The following TASOR variants were observed in gnomAD, a reference collection of about 807,000 sequenced individuals.
TASOR encodes protein TASOR.
Under a neutral mutation model 178.6 loss-of-function variants are expected in TASOR, and 53 were observed. That is an observed-to-expected ratio of 0.30 (90% CI 0.24 to 0.37). TASOR has a LOEUF of 0.37. Among genes scored for constraint, TASOR ranks in the 10% least tolerant of loss-of-function variants. The pLI is 1.00. For missense variants in TASOR, 1,815 were observed against 1,971.4 expected (o/e 0.92, Z 1.50); for synonymous variants, 713 against 696.2 (o/e 1.02, Z -0.38).
intron 2 of TASOR, among the ~76,000 whole-genome samples, chr3:56,672,046 T>C (rs953041840): frequency 6.6e-6 from 1 of 152,212 alleles, no homozygotes; most frequent in African/African-American, 2.4e-5. Flanking sequence ...ATCTGCTGAA[T>C]GACCAACTTC....
Position 56,628,620 on chromosome 3 carries a change from A to G in TASOR, c.3748-6T>C, listed in dbSNP as rs765899310. ...CCTAATTTGATAAGATATTCCTGTT[A>G]AAGAAAAACAACTAAATCAATATTA... On this transcript the variant is annotated splice_polypyrimidine_tract_variant and splice_region_variant and intron_variant, in intron 18 of 23. Coordinates refer to ENST00000683822, the MANE Select transcript of TASOR (RefSeq NM_001365635.2). 5 of 1,517,852 alleles carry G rather than the reference A, an allele frequency of 3.3e-6. No individual in the cohort carries two copies. Among genetic ancestry groups the G allele is most frequent in the South Asian group, 1.2e-5 (1 of 81,902 alleles). The allele number at this position is 1,517,852 out of a possible 1,614,324, so 94.0% of individuals were successfully genotyped here. A position where few individuals can be genotyped will look rare whatever the true frequency, so the allele number is the denominator to read the frequency against.
chr3:56,630,593 C>T (rs2076888555), intron 18 of TASOR, among the ~76,000 whole-genome samples: 1 of 152,172 alleles, frequency 6.6e-6, no homozygotes, highest in African/African-American at 2.4e-5. Flanking sequence ...CCTGTAATCC[C>T]AGTACTTTGG....
At chr3:56,661,883 G>C (rs1298642413) in intron 9 of TASOR, among the ~76,000 whole-genome samples, 1 of 152,088 alleles carries the variant, frequency 6.6e-6, no homozygotes, top group Non-Finnish European at 1.5e-5. Flanking sequence ...CCAACACTTC[G>C]TGAGGCCAAG....
rs747054045 is a variant in TASOR at position 56,621,563 on chromosome 3, G to C, written c.*1474C>G. The C allele has an allele frequency of 1.2e-6, 2 of 1,602,486 alleles. No individual in the cohort carries two copies. Among genetic ancestry groups the C allele is most frequent in the South Asian group, 1.1e-5 (1 of 88,646 alleles). Reference sequence around the variant, plus strand: ...CTCCAGAAGCAAAAGGAGTTGGAAAGTAGTCTCCTGCCTTTAGCTGAAAAT... The same window carrying C: ...CTCCAGAAGCAAAAGGAGTTGGAAACTAGTCTCCTGCCTTTAGCTGAAAAT... On this transcript the variant is annotated 3_prime_UTR_variant, in exon 24 of 24. Coordinates refer to ENST00000683822, the MANE Select transcript of TASOR (RefSeq NM_001365635.2).
At chr3:56,648,932 A>C (rs750951597) in intron 12 of TASOR, 39 bp from the exon 13 acceptor site, 3 of 1,598,634 alleles carry the variant, frequency 1.9e-6, no homozygotes, top group Non-Finnish European at 2.6e-6. Context: ...AATGTGTTTT[A>C]ACTAAAAAGT....
At chr3:56,640,371 A>G (rs778739413) in intron 15 of TASOR, among the ~76,000 whole-genome samples, 1 of 152,200 alleles carries the variant, frequency 6.6e-6, no homozygotes, top group Non-Finnish European at 1.5e-5. Context: ...AACATTAAAT[A>G]TTTTAGGCTC....
intron 14 of TASOR, among the ~76,000 whole-genome samples, chr3:56,645,497 C>T (rs1336318736): frequency 1.3e-5 from 2 of 152,160 alleles, no homozygotes; most frequent in Non-Finnish European, 1.5e-5. Context: ...AACAGTAACA[C>T]AAAACGTGGA....
intron 11 of TASOR, 107 bp downstream of exon 11, chr3:56,660,624 T>G (rs1367928797): frequency 1.3e-6 from 1 of 740,862 alleles, no homozygotes; most frequent in Non-Finnish European, 2.2e-6. Context: ...GACAGACACC[T>G]CATGGTACTT....
chr3:56,625,219 A>G (rs894118574), intron 21 of TASOR, among the ~76,000 whole-genome samples: 1 of 152,372 alleles, frequency 6.6e-6, no homozygotes, highest in East Asian at 1.9e-4. Context: ...CCTCAGGGCC[A>G]GCTATACAGC....
intron 11 of TASOR, among the ~76,000 whole-genome samples, chr3:56,651,156 T>A (rs1268238522): frequency 6.6e-6 from 1 of 152,132 alleles, no homozygotes; most frequent in African/African-American, 2.4e-5. Context: ...GACAGAGGCT[T>A]CAGCAGTTAT....
intron 11 of TASOR, among the ~76,000 whole-genome samples, chr3:56,657,312 G>A (rs898862873): frequency 2.1e-5 from 3 of 142,922 alleles, no homozygotes; most frequent in African/African-American, 7.8e-5. Context: ...CAGCAACAGA[G>A]CAAGGCTCTG....
chr3:56,626,561 G>A (rs545347754), intron 21 of TASOR, among the ~76,000 whole-genome samples: 4 of 152,106 alleles, frequency 2.6e-5, no homozygotes, highest in East Asian at 3.9e-4. Flanking sequence ...GGGCCAACAC[G>A]GTGAAACCCC....
intron 23 of TASOR, 38 bp from the exon 24 acceptor site, chr3:56,623,604 TAC>T (rs777057409): frequency 6.5e-7 from 1 of 1,544,672 alleles, no homozygotes; most frequent in Non-Finnish European, 8.7e-7. Context: ...TCTATTGAAA[TAC>T]ACAGTTTGTT....
At chr3:56,640,578 A>G (rs972618921) in intron 15 of TASOR, among the ~76,000 whole-genome samples, 1 of 152,194 alleles carries the variant, frequency 6.6e-6, no homozygotes, top group Non-Finnish European at 1.5e-5. Flanking sequence ...CCTACCTTAC[A>G]TACCCCAATA....
At chr3:56,675,365 T>G (rs948071332) in intron 1 of TASOR, among the ~76,000 whole-genome samples, 2 of 151,024 alleles carry the variant, frequency 1.3e-5, no homozygotes, top group South Asian at 2.1e-4. Context: ...TTAGTAGATA[T>G]GGGGTTTCAC....
At chr3:56,643,733 C>T (rs1442822492) in intron 14 of TASOR, among the ~76,000 whole-genome samples, 9 of 141,834 alleles carry the variant, frequency 6.3e-5, no homozygotes, top group East Asian at 6.2e-4. Context: ...CCAGCCTGGG[C>T]GACAGAGCGA....
At chr3:56,652,035 A>G (rs531337304) in intron 11 of TASOR, among the ~76,000 whole-genome samples, 4 of 152,330 alleles carry the variant, frequency 2.6e-5, no homozygotes, top group African/African-American at 9.6e-5. Context: ...CTACAACATC[A>G]ATGAGCCTTG....
At position 56,620,579 on chromosome 3, in the gene TASOR, T is replaced by TTGAC. The variant is rs2076317619; in HGVS notation, c.*2454_*2457dup. On this transcript the variant is annotated 3_prime_UTR_variant, in exon 24 of 24. Coordinates refer to ENST00000683822, the MANE Select transcript of TASOR (RefSeq NM_001365635.2). ...CCAATACCCTCTGCATTTCAAAATG[T>TTGAC]TGACTCAGATGTTTTTCCCTCTACA... is the stretch of plus-strand genomic sequence containing the variant. The TTGAC allele has an allele frequency of 6.6e-6, 1 of 152,234 alleles. No individual in the cohort carries two copies. Among genetic ancestry groups the TTGAC allele is most frequent in the African/African-American group, 2.4e-5 (1 of 41,452 alleles). 9.4% of individuals were successfully genotyped at this position (152,234 alleles called of 1,614,324 possible). A position where few individuals can be genotyped will look rare whatever the true frequency, so the allele number is the denominator to read the frequency against.
chr3:56,627,626 A>G lies in TASOR; in HGVS notation c.3986T>C (p.Ile1329Thr). ...GTTTAGAATTGATTCATCAGATACGATAAAACCTCCAGATACAAATAATTC... is the reference window on the plus strand; with the variant it reads ...GTTTAGAATTGATTCATCAGATACGGTAAAACCTCCAGATACAAATAATTC... Reference protein sequence around the residue: ...YNELFVSGGFIVSDESILNPE... With the variant: ...YNELFVSGGFTVSDESILNPE... The change falls in exon 20 of 24, where the codon ATC becomes ACC. Residue 1329 changes from isoleucine (I) to threonine (T), a missense_variant. By Grantham distance (89) the Ile-to-Thr change is moderately conservative (BLOSUM62 -1). This residue lies in a region of TASOR where 134 missense variants were observed against 195.2 expected (regional missense o/e 0.69). Coordinates refer to ENST00000683822, the MANE Select transcript of TASOR (RefSeq NM_001365635.2). 6.2e-7 allele frequency: 1 copy of G among 1,614,158 alleles called. No homozygotes were observed. The highest frequency in any genetic ancestry group is 1.3e-5 in the African/African-American group (1 of 75,064).
Sources: gnomAD v4.1 joint callset for allele counts (sites outside exome capture counted in the v4.1 genomes callset) on GRCh38, gnomAD v4.1.1 for gene constraint, gnomAD v4.1.1 regional missense constraint, MANE v1.5 for transcripts, NCBI Gene and HGNC (gene_info 2026-07-23, HGNC 2026-07-21) for gene names.